Variants in EML6 observed in about 807,000 individuals in gnomAD.
EML6 encodes the protein echinoderm microtubule-associated protein-like 6.
In EML6, 154 loss-of-function variants were observed where a neutral mutation model predicts 240.1. The observed-to-expected ratio is 0.64, with a 90% confidence interval of 0.56 to 0.73. EML6 has a LOEUF of 0.73. EML6 is among the 30% of genes least tolerant of loss of function. The pLI is 0.00. For synonymous variants in EML6, 1,148 were observed against 899.0 expected, an observed-to-expected ratio of 1.28 and a Z score of -4.95; for missense variants, 2,964 against 2,474.6, an observed-to-expected ratio of 1.20 and a Z score of -4.20.
chr2:54,889,333 C>G (rs1672330733), intron 17 of EML6, among the ~76,000 whole-genome samples: 1 of 151,934 alleles, frequency 6.6e-6, no homozygotes, highest in Non-Finnish European at 1.5e-5. Context: ...AGATTAAACA[C>G]ACACACACCC....
intron 2 of EML6, among the ~76,000 whole-genome samples, chr2:54,790,220 A>G (rs534315259): frequency 6.6e-6 from 1 of 152,344 alleles, no homozygotes; most frequent in African/African-American, 2.4e-5. Context: ...AAAGCAAATT[A>G]GATAACTTGC....
chr2:54,882,384 C>T (rs1026989261), intron 17 of EML6: 2 of 150,926 alleles, frequency 1.3e-5, no homozygotes, highest in Non-Finnish European at 2.9e-5. Flanking sequence ...GGTGTAACAT[C>T]ACTGTCAATC....
At position 54,869,334 on chromosome 2, in the gene EML6, C is replaced by A. The variant is rs1192372439; in HGVS notation, c.2205C>A (p.Ile735=). The A allele has an allele frequency of 1.9e-6, 3 of 1,551,552 alleles. No individual in the cohort carries two copies. The highest frequency in any genetic ancestry group is 2.6e-6 in the Non-Finnish European group (3 of 1,146,892). ...GHDDDILSLT[I]HPVKDYVATG... ...ATGACGACATTCTCAGCCTGACCAT[C>A]CATCCAGTGAAGGACTATGTGGCTA... The change falls in exon 15 of 42, where the codon ATC becomes ATA. Residue 735 remains isoleucine (I), a synonymous_variant. Transcript: ENST00000356458.
Position 54,804,570 on chromosome 2 carries a change from C to T in EML6, c.198-8662C>T, listed in dbSNP as rs189099587. On this transcript the variant is annotated intron_variant, in intron 2 of 41. Transcript: ENST00000356458. Reference sequence around the variant, plus strand: ...TCAGACAACCCTGCCCACTTCCTGCCTGTGGAAGACTTCTAAACCAACAGA... The same window carrying T: ...TCAGACAACCCTGCCCACTTCCTGCTTGTGGAAGACTTCTAAACCAACAGA... Among the ~76,000 whole-genome samples the T allele has an allele frequency of 3.4e-3, 522 of 152,338 alleles. 2 individuals are homozygous for T. The highest frequency in any genetic ancestry group is 0.011 in the African/African-American group (466 of 41,578).
chr2:54,924,822 C>A (rs7577808), intron 26 of EML6, among the ~76,000 whole-genome samples: 1 of 151,968 alleles, frequency 6.6e-6, no homozygotes, highest in African/African-American at 2.4e-5. Context: ...CTTGGCCTCC[C>A]AAAGTGCTGG....
chr2:54,903,710 A>G (rs1029131147), intron 24 of EML6, among the ~76,000 whole-genome samples: 5 of 152,202 alleles, frequency 3.3e-5, no homozygotes, highest in African/African-American at 4.8e-5. Flanking sequence ...TAGGATGATT[A>G]TTGTCACTAT....
chr2:54,794,683 T>C (rs1163017764), intron 2 of EML6, among the ~76,000 whole-genome samples: 1 of 152,220 alleles, frequency 6.6e-6, no homozygotes, highest in Non-Finnish European at 1.5e-5. Context: ...GGGCCACCTG[T>C]AAATGGTTAG....
At chr2:54,957,758 A>G in intron 32 of EML6, 32 bp from the exon 33 acceptor site, 1 of 1,545,270 alleles carries the variant, frequency 6.5e-7, no homozygotes, top group Non-Finnish European at 8.7e-7. Context: ...TGAAGCAATG[A>G]GGAGCCTCAC....
intron 2 of EML6, among the ~76,000 whole-genome samples, chr2:54,795,320 G>A (rs1669700281): frequency 6.6e-6 from 1 of 152,124 alleles, no homozygotes; most frequent in African/African-American, 2.4e-5. Flanking sequence ...TGAATGAGGT[G>A]GGGAGGTGCC....
chr2:54,744,905 TACACACACAC>T (rs56324677), intron 2 of EML6, among the ~76,000 whole-genome samples: 6,374 of 107,166 alleles, frequency 0.059, 312 homozygotes, highest in African/African-American at 0.13. Context: ...CACACACACG[TACACACACAC>T]ACACACACAC....
At position 54,916,843 on chromosome 2, in the gene EML6, G is replaced by T; in HGVS notation, c.3583G>T (p.Asp1195Tyr). ...CTGGCCAGCACATAGCGATATAACT[G>T]ACGTAAATGCTGCCAGTCTTACCAA... ...GIWPAHSDIT[D>Y]VNAASLTKDC... The change falls in exon 26 of 42, where the codon GAC becomes TAC. Residue 1195 changes from aspartate (D) to tyrosine (Y), a missense_variant. Asp to Tyr is a radical substitution (Grantham distance 160, BLOSUM62 -3). Transcript: ENST00000356458. The T allele has an allele frequency of 6.4e-7, 1 of 1,551,022 alleles. No individual in the cohort carries two copies. Among genetic ancestry groups the T allele is most frequent in the Non-Finnish European group, 8.7e-7 (1 of 1,146,440 alleles).
intron 26 of EML6, among the ~76,000 whole-genome samples, chr2:54,919,806 T>C (rs909658148): frequency 6.6e-6 from 1 of 152,190 alleles, no homozygotes; most frequent in African/African-American, 2.4e-5. Flanking sequence ...TCATTTCAAG[T>C]TGTGTTCCTC....
At chr2:54,967,455 C>T (rs1461360530) in intron 39 of EML6, among the ~76,000 whole-genome samples, 26 of 152,190 alleles carry the variant, frequency 1.7e-4, no homozygotes, top group Admixed American at 1.7e-3. Context: ...CAGACCCCGG[C>T]TTAGCAGGAT....
chr2:54,749,529 A>G (rs1044985065), intron 2 of EML6, among the ~76,000 whole-genome samples: 1 of 152,122 alleles, frequency 6.6e-6, no homozygotes, highest in African/African-American at 2.4e-5. Flanking sequence ...TATAATGTGT[A>G]CCTTATTGAT....
chr2:54,848,524 T>TACAC (rs59587579), intron 9 of EML6, among the ~76,000 whole-genome samples: 2,426 of 145,828 alleles, frequency 0.017, 26 homozygotes, highest in African/African-American at 0.026. Flanking sequence ...GCTTCCACAC[T>TACAC]ACACACACAC....
chr2:54,942,981 C>G (rs920691662), intron 28 of EML6, among the ~76,000 whole-genome samples: 1 of 152,136 alleles, frequency 6.6e-6, no homozygotes, highest in Non-Finnish European at 1.5e-5. Flanking sequence ...CCTCTCCACT[C>G]TTCTTATAGG....
intron 7 of EML6, among the ~76,000 whole-genome samples, chr2:54,839,022 C>G (rs6745667): frequency 0.77 from 117,731 of 152,202 alleles, 46,442 homozygotes; most frequent in East Asian, 0.99. Flanking sequence ...GAATAGAAAG[C>G]AGTATAAGAC....
chr2:54,953,969 C>T lies in EML6; in HGVS notation c.4313-14C>T. 1.3e-6 allele frequency: 2 copies of T among 1,543,004 alleles called. No homozygotes were observed. Among genetic ancestry groups the T allele is most frequent in the Non-Finnish European group, 1.8e-6 (2 of 1,141,006 alleles). Reference sequence around the variant, plus strand: ...TGTCAGCCTTACTTCTTTGTCATGCCTCTCCACACTCAGGGACAACACCTT... The same window carrying T: ...TGTCAGCCTTACTTCTTTGTCATGCTTCTCCACACTCAGGGACAACACCTT... On this transcript the variant is annotated splice_polypyrimidine_tract_variant and intron_variant, in intron 31 of 41. Coordinates refer to ENST00000356458, the MANE Select transcript of EML6 (RefSeq NM_001039753.4).
chr2:54,786,183 C>T (rs1669078473), intron 2 of EML6, among the ~76,000 whole-genome samples: 1 of 152,032 alleles, frequency 6.6e-6, no homozygotes. Flanking sequence ...CCCTGTGGCT[C>T]CTATGCTTAT....
Sources: gnomAD v4.1 joint callset for allele counts (sites outside exome capture counted in the v4.1 genomes callset) on GRCh38, gnomAD v4.1.1 for gene constraint, MANE v1.5 for transcripts, NCBI Gene and HGNC (gene_info 2026-07-23, HGNC 2026-07-21) for gene names.